TNNI3K: variants seen among roughly 807,000 people sequenced by gnomAD.
TNNI3K encodes the protein serine/threonine-protein kinase TNNI3K.
TNNI3K carries 140 observed loss-of-function variants against 114.5 expected under a neutral mutation model. That is an observed-to-expected ratio of 1.22 (90% CI 1.07 to 1.41). The LOEUF is 1.41. Among genes scored for constraint, TNNI3K ranks in the 40% most tolerant of loss-of-function variants. The probability of loss-of-function intolerance (pLI) is 0.00; values close to 1 mark genes in which losing one functional copy is unlikely to be tolerated. For missense variants in TNNI3K, 1,125 were observed against 1,007.6 expected, an observed-to-expected ratio of 1.12 and a Z score of -1.58; for synonymous variants, 347 against 347.5, an observed-to-expected ratio of 1.00 and a Z score of 0.02.
chr1:74,360,631 C>T (rs1444126546), intron 11 of TNNI3K, among the ~76,000 whole-genome samples: 2 of 152,038 alleles, frequency 1.3e-5, no homozygotes, highest in Non-Finnish European at 2.9e-5. Context: ...GCAGTCCAAT[C>T]TGCCTTTATG....
At chr1:74,458,280 C>T (rs777737865) in intron 20 of TNNI3K, among the ~76,000 whole-genome samples, 29 of 152,214 alleles carry the variant, frequency 1.9e-4, no homozygotes, top group Middle Eastern at 6.8e-3. Context: ...ATGTTTGCCA[C>T]GATTATACTC....
chr1:74,419,230 G>A (rs1431245115), intron 17 of TNNI3K, among the ~76,000 whole-genome samples: 2 of 151,928 alleles, frequency 1.3e-5, no homozygotes, highest in Admixed American at 1.3e-4. Context: ...CTCCTTCTTT[G>A]CATCACCTTC....
At chr1:74,318,057 C>T (rs1488463050) in intron 5 of TNNI3K, among the ~76,000 whole-genome samples, 4 of 152,192 alleles carry the variant, frequency 2.6e-5, no homozygotes, top group Non-Finnish European at 5.9e-5. Flanking sequence ...CCTTTTATAT[C>T]ATGGCCTGGA....
rs1382327551 is a variant in TNNI3K at position 74,518,702 on chromosome 1, A to AGTGTTAAATTTG, written c.2352-21532_2352-21531insGTGTTAAATTTG. Among the ~76,000 whole-genome samples, 42 of 152,250 alleles carry AGTGTTAAATTTG rather than the reference A, an allele frequency of 2.8e-4. 1 individual carries two copies. In the South Asian group the frequency reaches 4.8e-3, roughly 17 times the overall value. On this transcript the variant is annotated intron_variant, in intron 23 of 24. Transcript: ENST00000326637. ...ATATCTGTTTTTTAAGCTCAAAATT[A>AGTGTTAAATTTG]TTATATTAGTGTTTTGAACACATAT... is the stretch of plus-strand genomic sequence containing the variant.
chr1:74,346,524 T>C (rs1661006077), intron 9 of TNNI3K, among the ~76,000 whole-genome samples: 1 of 151,954 alleles, frequency 6.6e-6, no homozygotes, highest in Non-Finnish European at 1.5e-5. Flanking sequence ...TTCTTAAAGT[T>C]CCAGATGTGA....
At chr1:74,535,197 T>C (rs1217032193) in intron 23 of TNNI3K, among the ~76,000 whole-genome samples, 1 of 152,060 alleles carries the variant, frequency 6.6e-6, no homozygotes, top group East Asian at 1.9e-4. Flanking sequence ...TAAAGAATCA[T>C]AGAATTCTGT....
At chr1:74,367,644 A>G (rs1207636451) in intron 12 of TNNI3K, among the ~76,000 whole-genome samples, 1 of 151,888 alleles carries the variant, frequency 6.6e-6, no homozygotes, top group Non-Finnish European at 1.5e-5. Context: ...GTCATTTTCC[A>G]TTTCAGTAAT....
chr1:74,526,673 T>C (rs551347052), intron 23 of TNNI3K, among the ~76,000 whole-genome samples: 1 of 152,346 alleles, frequency 6.6e-6, no homozygotes, highest in East Asian at 1.9e-4. Context: ...AGCTCATGCA[T>C]TTTAGTCTTT....
chr1:74,262,554 C>CA (rs1011219919), intron 4 of TNNI3K, among the ~76,000 whole-genome samples: 45 of 143,420 alleles, frequency 3.1e-4, no homozygotes, highest in Middle Eastern at 3.6e-3. Context: ...AAAAAAAACT[C>CA]AAAAAAAAAA....
intron 18 of TNNI3K, 142 bp from the exon 19 acceptor site, chr1:74,436,332 C>A: frequency 8.3e-7 from 1 of 1,210,468 alleles, no homozygotes; most frequent in Non-Finnish European, 1.1e-6. Context: ...AGTTTTTCTT[C>A]TTTCTTATCT....
intron 11 of TNNI3K, among the ~76,000 whole-genome samples, chr1:74,362,089 C>T (rs139898631): frequency 1.8e-3 from 274 of 152,100 alleles, no homozygotes; most frequent in African/African-American, 6.2e-3. Flanking sequence ...AAATTTTTGT[C>T]GCCTCTGATC....
chr1:74,412,651 G>C (rs1664938201), intron 17 of TNNI3K, among the ~76,000 whole-genome samples: 1 of 152,068 alleles, frequency 6.6e-6, no homozygotes, highest in Non-Finnish European at 1.5e-5. Context: ...GTCTCACTCT[G>C]TCTCCCAGGC....
intron 22 of TNNI3K, among the ~76,000 whole-genome samples, chr1:74,489,647 T>A (rs1261613576): frequency 1.3e-5 from 2 of 152,226 alleles, no homozygotes; most frequent in African/African-American, 4.8e-5. Flanking sequence ...AAATTATCAA[T>A]AAAATATGTT....
intron 17 of TNNI3K, among the ~76,000 whole-genome samples, chr1:74,422,372 T>G (rs1665442617): frequency 6.6e-6 from 1 of 152,140 alleles, no homozygotes; most frequent in Admixed American, 6.6e-5. Context: ...ACACTATATG[T>G]CAGGTTTATG....
intron 5 of TNNI3K, among the ~76,000 whole-genome samples, chr1:74,303,411 C>T (rs1212031547): frequency 2.0e-5 from 3 of 152,142 alleles, no homozygotes; most frequent in Non-Finnish European, 2.9e-5. Flanking sequence ...GTGATCTGCC[C>T]GCCTTGGTCT....
chr1:74,533,133 AC>A (rs1646612209), intron 23 of TNNI3K, among the ~76,000 whole-genome samples: 1 of 152,202 alleles, frequency 6.6e-6, no homozygotes, highest in Non-Finnish European at 1.5e-5. Context: ...CAGGCAACCT[AC>A]AAAATGGGAG....
intron 5 of TNNI3K, among the ~76,000 whole-genome samples, chr1:74,277,709 G>A (rs1214169677): frequency 6.6e-6 from 1 of 152,188 alleles, no homozygotes; most frequent in Admixed American, 6.5e-5. Context: ...GTTGACAACT[G>A]TTTGAGCAGT....
chr1:74,282,750 T>A (rs1476487545), intron 5 of TNNI3K, among the ~76,000 whole-genome samples: 1 of 152,178 alleles, frequency 6.6e-6, no homozygotes, highest in Non-Finnish European at 1.5e-5. Flanking sequence ...TTTCTCTGAA[T>A]CTGTTATGTA....
intron 20 of TNNI3K, among the ~76,000 whole-genome samples, chr1:74,450,521 A>C (rs1175684864): frequency 6.6e-6 from 1 of 152,138 alleles, no homozygotes; most frequent in Non-Finnish European, 1.5e-5. Flanking sequence ...AAGGTCTAAT[A>C]CCCACAATCT....
Sources: allele counts gnomAD v4.1 joint callset (sites outside exome capture counted in the v4.1 genomes callset), GRCh38; gene constraint gnomAD v4.1.1; transcripts MANE v1.5; gene names NCBI Gene and HGNC (gene_info 2026-07-23, HGNC 2026-07-21).